The following PKD1 variants were observed in gnomAD, a reference collection of about 807,000 sequenced individuals.
The protein encoded by PKD1 is polycystin 1, transient receptor potential channel interacting.
PKD1 carries 81 observed loss-of-function variants against 361.7 expected under a neutral mutation model. That is an observed-to-expected ratio of 0.22 (90% CI 0.19 to 0.27). PKD1 has a LOEUF of 0.27. Ranked by LOEUF, PKD1 falls within the 10% of genes least tolerant of loss-of-function variation. The pLI, the probability that PKD1 is intolerant of heterozygous loss-of-function variation, is 1.00. For synonymous variants in PKD1, 3,615 were observed against 2,818.3 expected (o/e 1.28, Z -8.95); for missense variants, 6,399 against 6,118.3 (o/e 1.05, Z -1.53).
chr16:2,132,328 G>C (rs2092894079), intron 1 of PKD1, among the ~76,000 whole-genome samples: 1 of 151,682 alleles, frequency 6.6e-6, no homozygotes, highest in Non-Finnish European at 1.5e-5. Flanking sequence ...CCAGCACTTT[G>C]GGAGGCCGAG....
chr16:2,111,939 C>A lies in PKD1; in HGVS notation c.3296-68G>T, dbSNP rs1229831170. 1.5e-5 allele frequency: 24 copies of A among 1,554,630 alleles called. No individual in the cohort carries two copies. The Admixed American group carries it at 3.6e-4, about 23-fold the overall frequency. On this transcript the variant is annotated intron_variant, in intron 14 of 45. Coordinates refer to ENST00000262304, the MANE Select transcript of PKD1 (RefSeq NM_001009944.3). Reference sequence around the variant, plus strand: ...CTGCTCCCCACCCGCTCGGCAGAAGCCCCCCGCCTGAGGAGCCCGGGGTGA... The same window carrying A: ...CTGCTCCCCACCCGCTCGGCAGAAGACCCCCGCCTGAGGAGCCCGGGGTGA...
At chr16:2,105,800 G>T in intron 20 of PKD1, 65 bp downstream of exon 20, 1 of 1,507,548 alleles carries the variant, frequency 6.6e-7, no homozygotes. Flanking sequence ...TCCAGGCAGG[G>T]GTACAGGTCT....
rs779298022 is a variant in PKD1, at chr16:2,114,289, C to T, written c.2734G>A (p.Val912Met). The T allele has an allele frequency of 6.2e-7, 1 of 1,610,376 alleles. No homozygotes were observed. Among genetic ancestry groups the T allele is most frequent in the Non-Finnish European group, 8.5e-7 (1 of 1,179,674 alleles). Residue 912 changes from valine to methionine, a missense_variant, in exon 11 of 46, where the codon GTG (valine) becomes ATG (methionine). By Grantham distance (21) the Val-to-Met change is conservative. Coordinates refer to ENST00000262304, the MANE Select transcript of PKD1 (RefSeq NM_001009944.3). ...GCCCGGCTGGCGCTGTTTTCCACCA[C>T]CACGTCCACCACGTGCTCCCCCTCA... The part of the protein sequence containing the change: ...LSEGEHVVDV[V>M]VENSASRANL...
intron 15 of PKD1, 96 bp from the exon 16 acceptor site, chr16:2,108,128 C>A: frequency 1.3e-6 from 2 of 1,488,020 alleles, no homozygotes; most frequent in Non-Finnish European, 1.9e-6. Context: ...ACCCCCTCCC[C>A]ATGCTGGGAC....
Position 2,106,674 on chromosome 16 carries a change from A to G in PKD1, c.7213T>C (p.Trp2405Arg). 6.3e-7 allele frequency: 1 copy of G among 1,593,118 alleles called. No homozygotes were observed. The highest frequency in any genetic ancestry group is 8.5e-7 in the Non-Finnish European group (1 of 1,176,524). ...NCSSGSKRGR[W>R]AARTFSNKTL... Reference sequence around the variant, plus strand: ...TTGTTGCTGAACGTACGTGCAGCCCACCGCTGCAGGCAGAAGGGGTGGTGA... The same window carrying G: ...TTGTTGCTGAACGTACGTGCAGCCCGCCGCTGCAGGCAGAAGGGGTGGTGA... Residue 2405 changes from tryptophan to arginine, a missense_variant, in exon 18 of 46, where the codon TGG becomes CGG. Physicochemically the swap from Trp to Arg is moderately radical, Grantham distance 101. Transcript: ENST00000262304. This position sits in a 1 kb window ranked among gnomAD's most constrained non-coding sequence, Gnocchi z 6.5.
At chr16:2,108,177 G>A (rs1414877816) in intron 15 of PKD1, 75 bp downstream of exon 15, 7 of 1,493,606 alleles carry the variant, frequency 4.7e-6, no homozygotes, top group Non-Finnish European at 5.5e-6. Context: ...AGCCCTGGTG[G>A]CAAGCTGGGT....
rs1233644486 is a variant in PKD1, at chr16:2,091,489, G to A, written c.11646C>T (p.Ala3882=). 5 of 1,392,340 alleles carry A rather than the reference G, an allele frequency of 3.6e-6. No homozygotes were observed. The Admixed American group carries it at 1.4e-4, about 39-fold the overall frequency. The allele number at this position is 1,392,340 out of a possible 1,614,324, so 86.2% of individuals were successfully genotyped here. ...GCAGCGCAAAGGGGCGGACGCTGAG[G>A]GCGGCCAGGGCGCGGCCGGCCGCCG... ...EFPAAGRALA[A]LSVRPFALRR... Residue 3882 remains alanine, a synonymous_variant, in exon 42 of 46, where the codon GCC becomes GCT. Coordinates refer to ENST00000262304, the MANE Select transcript of PKD1 (RefSeq NM_001009944.3).
chr16:2,094,518 A>G (rs543883911), intron 34 of PKD1, among the ~76,000 whole-genome samples: 2 of 152,294 alleles, frequency 1.3e-5, no homozygotes, highest in Admixed American at 1.3e-4. Context: ...TCAGGGTGCA[A>G]TGAGCCCCCC....
Position 2,100,287 on chromosome 16 carries a change from C to G in PKD1, c.9591G>C (p.Leu3197=). ...GCAGGTCCCTGACGATGACGTGCTG[C>G]AGGAACCAGGCAGGGCTGAGCCCTG... ...DNKGLSPAWF[L]QHVIVRDLQT... is the part of the protein sequence containing the mutation. The change falls in exon 28 of 46, where the codon CTG becomes CTC. Residue 3197 remains leucine (L), a synonymous_variant. Coordinates refer to ENST00000262304, the MANE Select transcript of PKD1 (RefSeq NM_001009944.3). The surrounding 1 kb of genome is among the most constrained non-coding windows in gnomAD (Gnocchi z 4.4). The G allele has an allele frequency of 6.2e-7, 1 of 1,610,816 alleles. No homozygotes were observed.
In PKD1 at chr16:2,103,696, G is replaced by C. The variant is rs1188802037; in HGVS notation, c.8361C>G (p.Arg2787=). The stretch of plus-strand genomic sequence containing the variant: ...AGCACAGCAGGCTCCGCGGGTCCGA[G>C]CGCTTGCCCTGGGCCACGATCTCCT... The part of the protein sequence containing the change: ...AGEEIVAQGK[R]SDPRSLLCYG... Residue 2787 remains arginine, a synonymous_variant, in exon 23 of 46, where the codon CGC becomes CGG. Coordinates refer to ENST00000262304, the MANE Select transcript of PKD1 (RefSeq NM_001009944.3). 6.2e-6 allele frequency: 10 copies of C among 1,609,910 alleles called. No individual in the cohort carries two copies. Among genetic ancestry groups the C allele is most frequent in the Non-Finnish European group, 8.5e-6 (10 of 1,179,536 alleles).
At chr16:2,113,491 AC>A (rs2151810117) in intron 11 of PKD1, 199 bp from the exon 12 acceptor site, 1 of 620,428 alleles carries the variant, frequency 1.6e-6, no homozygotes, top group South Asian at 1.9e-5. Flanking sequence ...GCCATGTAGT[AC>A]TACTAATGCC....
At chr16:2,098,007 A>G (rs1372816067) in intron 30 of PKD1, 23 bp from the exon 31 acceptor site, 25 of 1,376,464 alleles carry the variant, frequency 1.8e-5, no homozygotes, top group Non-Finnish European at 2.4e-5. Flanking sequence ...GGCAGTGGTC[A>G]GCGGGCGGCA....
rs752697511 is a variant in PKD1 at position 2,114,645 on chromosome 16, G to A, written c.2378C>T (p.Pro793Leu). ...GLRPNPGLRL[P>L]GRYEVRAEVG... The stretch of plus-strand genomic sequence containing the variant: ...CTCTGCCCGGACCTCATAGCGCCCA[G>A]GCAGCCGCAGTCCAGGGTTGGGCCT... Residue 793 changes from proline to leucine, a missense_variant, in exon 11 of 46, where the codon CCT (proline) becomes CTT (leucine). Physicochemically the swap from Pro to Leu is moderately conservative, Grantham distance 98 (BLOSUM62 -3). Coordinates refer to ENST00000262304, the MANE Select transcript of PKD1 (RefSeq NM_001009944.3). 3.8e-6 allele frequency: 6 copies of A among 1,559,424 alleles called. No homozygotes were observed. The South Asian group carries it at 5.8e-5, about 15-fold the overall frequency.
intron 33 of PKD1, 21 bp downstream of exon 33, chr16:2,097,298 C>G (rs1310205219): frequency 7.4e-6 from 12 of 1,611,870 alleles, no homozygotes; most frequent in Non-Finnish European, 1.0e-5. Flanking sequence ...TTCAGAGCCC[C>G]CTCCTCTCAC....
rs116309559 is a variant in PKD1, at chr16:2,090,330, G to A, written c.12399C>T (p.Phe4133=). 113 of 1,612,234 alleles carry A rather than the reference G, an allele frequency of 7.0e-5. No individual in the cohort carries two copies. The East Asian group carries it at 2.2e-3, about 31-fold the overall frequency. The stretch of plus-strand genomic sequence containing the variant: ...CCATCCAGAGGCGCAGCCTGCGCAG[G>A]AACAACTCCACCATCTCGTAGTCCT... The part of the protein sequence containing the change: ...EPQDYEMVEL[F]LRRLRLWMGL... Residue 4133 remains phenylalanine, a synonymous_variant, in exon 45 of 46, where the codon TTC becomes TTT. Transcript: ENST00000262304.
rs1199898398 is a variant in PKD1, at chr16:2,089,637, C to G, written c.*90G>C. 2 of 1,475,376 alleles carry G rather than the reference C, an allele frequency of 1.4e-6. No homozygotes were observed. The highest frequency in any genetic ancestry group is 5.0e-5 in the East Asian group (2 of 40,110). 91.4% of individuals were successfully genotyped at this position (1,475,376 alleles called of 1,614,324 possible). On this transcript the variant is annotated 3_prime_UTR_variant, in exon 46 of 46. Transcript: ENST00000262304. ...TCTGGGGAACCTACGTGCAGCCATT[C>G]TGCCTGGCCCTCGGCCTTGACAGCG...
Position 2,122,745 on chromosome 16 carries a change from GA to G in PKD1, c.216-3368del, listed in dbSNP as rs369128204. On this transcript the variant is annotated intron_variant, in intron 1 of 45. Coordinates refer to ENST00000262304, the MANE Select transcript of PKD1 (RefSeq NM_001009944.3). Reference sequence around the variant, plus strand: ...GGCAGCAGAACCAATGCTTTAGGGAGAAATGAGGCACCGGGACCCGAGGCGC... The same window carrying G: ...GGCAGCAGAACCAATGCTTTAGGGAGAATGAGGCACCGGGACCCGAGGCGC... Among the ~76,000 whole-genome samples the G allele has an allele frequency of 7.6e-4, 116 of 152,334 alleles. No individual in the cohort carries two copies. The East Asian group carries it at 0.013, about 17-fold the overall frequency.
chr16:2,103,239 C>T lies in PKD1; in HGVS notation c.8791+27G>A, dbSNP rs183530437. ...CCCCCCAAGAACAAGGCCAGGGGGC[C>T]GCGTGTGCCCCACCCGCTGCACGCA... On this transcript the variant is annotated intron_variant, in intron 23 of 45. Coordinates refer to ENST00000262304, the MANE Select transcript of PKD1 (RefSeq NM_001009944.3). 1,471 of 1,606,314 alleles carry T rather than the reference C, an allele frequency of 9.2e-4. 12 individuals carry two copies. The African/African-American group carries it at 0.014, about 15-fold the overall frequency.
rs189085336 is a variant in PKD1 at position 2,101,645 on chromosome 16, G to C, written c.9397+416C>G. 2.8e-3 allele frequency among the ~76,000 whole-genome samples: 431 copies of C among 152,362 alleles called. 7 individuals are homozygous for C. Among genetic ancestry groups the C allele is most frequent in the Middle Eastern group, 3.4e-3 (1 of 294 alleles). ...AAAAAAGAAAAACGAAAACAAAAAG[G>C]GAATGCCAGAAGGGCAATTCCAATG... On this transcript the variant is annotated intron_variant, in intron 26 of 45. Coordinates refer to ENST00000262304, the MANE Select transcript of PKD1 (RefSeq NM_001009944.3).
Sources: gnomAD v4.1 joint callset for allele counts (sites outside exome capture counted in the v4.1 genomes callset) on GRCh38, gnomAD v4.1.1 for gene constraint, Gnocchi (gnomAD v3.1) non-coding constraint, MANE v1.5 for transcripts, NCBI Gene and HGNC (gene_info 2026-07-23, HGNC 2026-07-21) for gene names.